SLC5A4: variants seen among roughly 807,000 people sequenced by gnomAD.
SLC5A4 encodes the protein solute carrier family 5 member 4, also known as probable glucose sensor protein SLC5A4.
SLC5A4 carries 55 observed loss-of-function variants against 70.3 expected under a neutral mutation model. The ratio of observed to expected loss-of-function variants is 0.78; its 90% confidence interval spans 0.63 to 0.98. The LOEUF (loss-of-function observed/expected upper bound fraction) is 0.98. Among genes scored for constraint, SLC5A4 ranks in the 50% least tolerant of loss-of-function variants. The pLI is 0.00. For synonymous variants in SLC5A4, 268 were observed against 305.7 expected (o/e 0.88, Z 1.29); for missense variants, 735 against 839.2 (o/e 0.88, Z 1.53).
chr22:32,265,096 T>C, the SLC5A4 span, among the ~76,000 whole-genome samples: 1 of 152,238 alleles, frequency 6.6e-6, no homozygotes, highest in African/African-American at 2.4e-5. Context: ...CTTTGGATGA[T>C]GTAAAATCAA....
chr22:32,270,788 A>G, the SLC5A4 span: 33,646 of 604,086 alleles, frequency 0.056, 1,579 homozygotes, highest in Admixed American at 0.18. Flanking sequence ...ATGAGTGCCG[A>G]CGGCCGCGTC....
At chr22:32,223,525 T>C (rs1177514474) in intron 13 of SLC5A4, among the ~76,000 whole-genome samples, 3 of 152,268 alleles carry the variant, frequency 2.0e-5, no homozygotes, top group Admixed American at 6.5e-5. Context: ...TTCTATTCTT[T>C]CTTTTCCTGC....
At chr22:32,337,425 T>A in the SLC5A4 span, among the ~76,000 whole-genome samples, 1 of 152,070 alleles carries the variant, frequency 6.6e-6, no homozygotes, top group Non-Finnish European at 1.5e-5. Flanking sequence ...TCCCAGCTAC[T>A]CAGGAGGCTA....
chr22:32,333,206 C>CT, the SLC5A4 span, among the ~76,000 whole-genome samples: 1 of 150,386 alleles, frequency 6.6e-6, no homozygotes, highest in Non-Finnish European at 1.5e-5. Context: ...ACCCCCCCCC[C>CT]AGAAGACTCA....
At chr22:32,353,063 G>T in the SLC5A4 span, among the ~76,000 whole-genome samples, 1 of 152,216 alleles carries the variant, frequency 6.6e-6, no homozygotes, top group African/African-American at 2.4e-5. Flanking sequence ...ACCTTGGCAT[G>T]CTGGCCACTG....
chr22:32,348,724 G>T, the SLC5A4 span, among the ~76,000 whole-genome samples: 2 of 151,970 alleles, frequency 1.3e-5, no homozygotes, highest in Admixed American at 1.3e-4. Flanking sequence ...TCTTGTTAAA[G>T]AACTGATCAA....
the SLC5A4 span, among the ~76,000 whole-genome samples, chr22:32,334,270 G>A: frequency 1.3e-5 from 2 of 152,100 alleles, no homozygotes; most frequent in African/African-American, 2.4e-5. Flanking sequence ...CTCCCCTGGT[G>A]CTGGCGTCCC....
chr22:32,340,679 A>G, the SLC5A4 span, among the ~76,000 whole-genome samples: 4 of 151,970 alleles, frequency 2.6e-5, no homozygotes, highest in East Asian at 7.7e-4. Context: ...CCCGGAGGGG[A>G]GAGGTCTGGT....
chr22:32,287,248 A>G, the SLC5A4 span, among the ~76,000 whole-genome samples: 1 of 152,190 alleles, frequency 6.6e-6, no homozygotes, highest in Non-Finnish European at 1.5e-5. Context: ...TGAGTTTCAC[A>G]GTCCAAACAC....
the SLC5A4 span, chr22:32,268,185 C>T: frequency 1.3e-5 from 2 of 152,136 alleles, no homozygotes; most frequent in African/African-American, 4.8e-5. Flanking sequence ...AGTAATTGTG[C>T]ATAGTAGGCC....
the SLC5A4 span, chr22:32,269,946 T>C: frequency 1.9e-6 from 1 of 533,268 alleles, no homozygotes; most frequent in Non-Finnish European, 3.7e-6. This position sits in a 1 kb window ranked among gnomAD's most constrained non-coding sequence, Gnocchi z 4.1. Context: ...CCATGGAGCC[T>C]GGGTACCTGT....
the SLC5A4 span, among the ~76,000 whole-genome samples, chr22:32,339,282 T>A: frequency 1.3e-5 from 2 of 152,156 alleles, no homozygotes; most frequent in Non-Finnish European, 2.9e-5. Context: ...ACAGTTAGCA[T>A]TTCCTGAGGC....
chr22:32,332,160 C>A, the SLC5A4 span, among the ~76,000 whole-genome samples: 4 of 152,192 alleles, frequency 2.6e-5, no homozygotes, highest in Non-Finnish European at 5.9e-5. Context: ...CTCCGGTGGA[C>A]TCCCAGCTCC....
At chr22:32,322,676 G>A in the SLC5A4 span, among the ~76,000 whole-genome samples, 2 of 152,140 alleles carry the variant, frequency 1.3e-5, no homozygotes, top group Non-Finnish European at 2.9e-5. Context: ...CTTCCTGGGT[G>A]GAGCCCTCGG....
chr22:32,331,406 C>T, the SLC5A4 span, among the ~76,000 whole-genome samples: 303 of 152,210 alleles, frequency 2.0e-3, 4 homozygotes, highest in African/African-American at 6.9e-3. Flanking sequence ...CTGCAAACTC[C>T]CTCGCGCCCC....
At chr22:32,348,061 C>A in the SLC5A4 span, among the ~76,000 whole-genome samples, 3 of 152,108 alleles carry the variant, frequency 2.0e-5, no homozygotes, top group African/African-American at 7.2e-5. Context: ...GCATTGACGG[C>A]TGGGTTGTGG....
the SLC5A4 span, among the ~76,000 whole-genome samples, chr22:32,326,202 C>T: frequency 1.3e-5 from 2 of 152,008 alleles, no homozygotes; most frequent in South Asian, 4.2e-4. Context: ...TCCCCAGCAG[C>T]GGCAGCGGCT....
chr22:32,269,876 C>A, the SLC5A4 span: 3 of 586,482 alleles, frequency 5.1e-6, no homozygotes, highest in East Asian at 4.4e-5. The surrounding 1 kb of genome is among the most constrained non-coding windows in gnomAD (Gnocchi z 4.1). Context: ...GCATGCGTAG[C>A]GTCCGAGTGT....
At chr22:32,316,569 G>C in the SLC5A4 span, among the ~76,000 whole-genome samples, 7 of 151,978 alleles carry the variant, frequency 4.6e-5, no homozygotes, top group East Asian at 9.7e-4. Flanking sequence ...TCACTCTGTT[G>C]CCCAGGCTGG....
Sources: gnomAD v4.1 joint callset for allele counts (sites outside exome capture counted in the v4.1 genomes callset) on GRCh38, gnomAD v4.1.1 for gene constraint, Gnocchi (gnomAD v3.1) non-coding constraint, MANE v1.5 for transcripts, NCBI Gene and HGNC (gene_info 2026-07-23, HGNC 2026-07-21) for gene names.